SP100: variants seen among roughly 807,000 people sequenced by gnomAD.
SP100 encodes SP100 nuclear body protein.
Under a neutral mutation model 130.0 loss-of-function variants are expected in SP100, and 84 were observed. The observed-to-expected ratio is 0.65, with a 90% CI of 0.54 to 0.77. The LOEUF is 0.77. Among genes scored for constraint, SP100 ranks in the 30% least tolerant of loss-of-function variants. The pLI, the probability that SP100 is intolerant of heterozygous loss-of-function variation, is 0.00. For synonymous variants in SP100, 331 were observed against 351.7 expected, an observed-to-expected ratio of 0.94 and a Z score of 0.66; for missense variants, 978 against 1,052.2, an observed-to-expected ratio of 0.93 and a Z score of 0.97.
At position 230,519,705 on chromosome 2, in the gene SP100, A is replaced by AT. The variant is rs545500728; in HGVS notation, c.2094+8547dup. Among the ~76,000 whole-genome samples the AT allele has an allele frequency of 5.1e-3, 784 of 152,268 alleles. 11 individuals carry two copies. Among genetic ancestry groups the AT allele is most frequent in the African/African-American group, 0.018 (744 of 41,548 alleles). On this transcript the variant is annotated intron_variant, in intron 24 of 28. Transcript: ENST00000340126. ...TTTGCTCATCTCTTCAATGAAGGCC[A>AT]TTTTTTTTCCCCAGAATTTCTTTTA...
intron 8 of SP100, among the ~76,000 whole-genome samples, chr2:230,451,159 G>A (rs1164380680): frequency 2.0e-5 from 3 of 152,162 alleles, no homozygotes; most frequent in Non-Finnish European, 2.9e-5. Flanking sequence ...ATTCAGTAGC[G>A]AAATTCATGG....
chr2:230,489,172 G>A (rs185310372), intron 17 of SP100, among the ~76,000 whole-genome samples: 1 of 152,162 alleles, frequency 6.6e-6, no homozygotes, highest in African/African-American at 2.4e-5. Context: ...TTGTTGGTGG[G>A]CTGTTAATTA....
chr2:230,450,358 T>C, intron 8 of SP100, 103 bp downstream of exon 8: 1 of 750,954 alleles, frequency 1.3e-6, no homozygotes. Flanking sequence ...GTAACCACTT[T>C]TTAAAATTAC....
At chr2:230,515,301 T>C in intron 24 of SP100, 2 of 1,612,290 alleles carry the variant, frequency 1.2e-6, no homozygotes, top group Non-Finnish European at 1.7e-6. Context: ...AGGATCCCAA[T>C]GCACCCAAGA....
At chr2:230,425,058 A>T (rs1466399409) in intron 2 of SP100, among the ~76,000 whole-genome samples, 1 of 152,200 alleles carries the variant, frequency 6.6e-6, no homozygotes. Context: ...GTAAAACATG[A>T]TGATTTCATA....
chr2:230,467,639 T>C (rs1320654836), intron 13 of SP100, among the ~76,000 whole-genome samples: 1 of 152,176 alleles, frequency 6.6e-6, no homozygotes, highest in Non-Finnish European at 1.5e-5. Flanking sequence ...CATTCAGATC[T>C]TGTAAGACTT....
intron 2 of SP100, among the ~76,000 whole-genome samples, chr2:230,430,818 G>A (rs568519227): frequency 1.8e-4 from 28 of 152,346 alleles, no homozygotes; most frequent in African/African-American, 6.5e-4. Flanking sequence ...GTCATTGGCT[G>A]GGCTTTGTGC....
chr2:230,459,265 G>A (rs1322414830), intron 8 of SP100, among the ~76,000 whole-genome samples: 1 of 152,178 alleles, frequency 6.6e-6, no homozygotes, highest in Non-Finnish European at 1.5e-5. Context: ...TGCAAAGAAG[G>A]GAAGAGAGAA....
chr2:230,450,971 C>G (rs2063951303), intron 8 of SP100, among the ~76,000 whole-genome samples: 1 of 152,182 alleles, frequency 6.6e-6, no homozygotes, highest in Admixed American at 6.5e-5. Context: ...CTTCCATATA[C>G]AGATGGTCCC....
At chr2:230,472,427 C>CAAAAAAAAAAAAAAAAAAAA (rs201703163) in intron 15 of SP100, among the ~76,000 whole-genome samples, 2 of 61,332 alleles carry the variant, frequency 3.3e-5, no homozygotes, top group African/African-American at 8.4e-5. Context: ...GACTCCGTCT[C>CAAAAAAAAAAAAAAAAAAAA]AAAAAAAAAA....
In SP100 at chr2:230,539,350, G is replaced by C; in HGVS notation, c.2178G>C (p.Glu726Asp). 5 of 1,613,820 alleles carry C rather than the reference G, an allele frequency of 3.1e-6. No homozygotes were observed. Among genetic ancestry groups the C allele is most frequent in the Non-Finnish European group, 4.2e-6 (5 of 1,179,766 alleles). The change falls in exon 25 of 29, where the codon GAG (glutamate) becomes GAC (aspartate). Residue 726 changes from glutamate (E) to aspartate (D), a missense_variant. By Grantham distance (45) the Glu-to-Asp change is conservative (BLOSUM62 2). Transcript: ENST00000340126. ...CCDTCPRSFH[E>D]HCHIPSVEAN... ...ACACTTGTCCAAGATCCTTTCATGA[G>C]CACTGCCACATCCCATCCGTGGAAG...
chr2:230,461,015 TTA>T (rs1404927898), intron 8 of SP100, among the ~76,000 whole-genome samples: 2 of 3,742 alleles, frequency 5.3e-4, no homozygotes, highest in East Asian at 0.042. Flanking sequence ...ATTATAATTT[TTA>T]TTTTTTTTAA....
At chr2:230,451,866 G>A (rs944026257) in intron 8 of SP100, among the ~76,000 whole-genome samples, 1 of 152,172 alleles carries the variant, frequency 6.6e-6, no homozygotes, top group African/African-American at 2.4e-5. Context: ...TGGATATCCA[G>A]TTGTCCCAAC....
rs370641309 is a variant in SP100 at position 230,443,105 on chromosome 2, T to C, written c.270+6T>C. The C allele has an allele frequency of 1.2e-5, 19 of 1,613,056 alleles. No individual in the cohort carries two copies. The highest frequency in any genetic ancestry group is 1.6e-5 in the Non-Finnish European group (19 of 1,179,322). ...TCACAAATAAAATGTTTGAAGTAAG[T>C]AAAGTTTATTATGTCACAATCTGGT... On this transcript the variant is annotated splice_donor_region_variant and intron_variant, in intron 3 of 28. Transcript: ENST00000340126.
At chr2:230,508,709 A>C (rs754687582) in intron 23 of SP100, 1 of 152,180 alleles carries the variant, frequency 6.6e-6, no homozygotes, top group Non-Finnish European at 1.5e-5. Context: ...TTGCAACCTC[A>C]ACATAAACAC....
intron 24 of SP100, among the ~76,000 whole-genome samples, chr2:230,520,096 G>A (rs937687138): frequency 1.3e-5 from 2 of 152,286 alleles, no homozygotes; most frequent in South Asian, 4.1e-4. Flanking sequence ...TATCTTACAT[G>A]TCTCTGATTC....
Position 230,489,692 on chromosome 2 carries a change from C to T in SP100, c.1601-4724C>T, listed in dbSNP as rs187153849. ...CTCTTAATACTGCTTTAGCTGTGTC[C>T]CAGAGATTTTGGTACGTTGTCTTTT... is the stretch of plus-strand genomic sequence containing the variant. On this transcript the variant is annotated intron_variant, in intron 17 of 28. Transcript: ENST00000340126. 1.1e-3 allele frequency among the ~76,000 whole-genome samples: 165 copies of T among 152,080 alleles called. 1 individual carries two copies. Among genetic ancestry groups the T allele is most frequent in the African/African-American group, 3.9e-3 (161 of 41,484 alleles).
chr2:230,480,812 T>C (rs1318825254), intron 17 of SP100, among the ~76,000 whole-genome samples: 1 of 152,188 alleles, frequency 6.6e-6, no homozygotes, highest in Non-Finnish European at 1.5e-5. Flanking sequence ...TGACTGGAAG[T>C]TGTGGCTGCC....
At chr2:230,483,301 G>A (rs1237467701) in intron 17 of SP100, among the ~76,000 whole-genome samples, 1 of 152,184 alleles carries the variant, frequency 6.6e-6, no homozygotes, top group Non-Finnish European at 1.5e-5. Flanking sequence ...TGTAACTCAA[G>A]ATCTAAATGC....
Sources: gnomAD v4.1 joint callset for allele counts (sites outside exome capture counted in the v4.1 genomes callset) on GRCh38, gnomAD v4.1.1 for gene constraint, MANE v1.5 for transcripts, NCBI Gene and HGNC (gene_info 2026-07-23, HGNC 2026-07-21) for gene names.